SPATA9: variants seen among roughly 807,000 people sequenced by gnomAD.
The protein encoded by SPATA9 is spermatogenesis-associated protein 9.
Under a neutral mutation model 25.5 loss-of-function variants are expected in SPATA9, and 27 were observed. The ratio of observed to expected loss-of-function variants is 1.06; its 90% confidence interval spans 0.78 to 1.46. The LOEUF (loss-of-function observed/expected upper bound fraction) is 1.46. Among genes scored for constraint, SPATA9 ranks in the 40% most tolerant of loss-of-function variants. The pLI is 0.00. For synonymous variants in SPATA9, 102 were observed against 105.7 expected (o/e 0.97, Z 0.21); for missense variants, 282 against 297.5 (o/e 0.95, Z 0.38).
chr5:95,700,952 G>A (rs1310568909), upstream of SPATA9, among the ~76,000 whole-genome samples: 1 of 152,094 alleles, frequency 6.6e-6, no homozygotes, highest in Non-Finnish European at 1.5e-5. Context: ...ATGAGGTGAA[G>A]AATCCACACC....
chr5:95,663,404 T>C (rs1352849976), intron 4 of SPATA9, among the ~76,000 whole-genome samples: 1 of 152,196 alleles, frequency 6.6e-6, no homozygotes, highest in Non-Finnish European at 1.5e-5. Flanking sequence ...ATTATGGTAA[T>C]GTTTTGTTTC....
At chr5:95,704,171 A>G in the SPATA9 span, among the ~76,000 whole-genome samples, 4 of 152,224 alleles carry the variant, frequency 2.6e-5, no homozygotes, top group African/African-American at 9.7e-5. Flanking sequence ...ATTATTCTCT[A>G]CATTTCTCTA....
the SPATA9 span, among the ~76,000 whole-genome samples, chr5:95,721,113 A>T: frequency 6.6e-6 from 1 of 152,176 alleles, no homozygotes; most frequent in African/African-American, 2.4e-5. Flanking sequence ...AAGGCAAAAA[A>T]CCTTGGCAAG....
the SPATA9 span, among the ~76,000 whole-genome samples, chr5:95,704,130 T>G: frequency 6.6e-6 from 1 of 152,160 alleles, no homozygotes; most frequent in African/African-American, 2.4e-5. Flanking sequence ...CTGGCAGAGA[T>G]CTGATGGTTT....
upstream of SPATA9, among the ~76,000 whole-genome samples, chr5:95,686,036 G>C (rs1422698683): frequency 6.6e-6 from 1 of 152,088 alleles, no homozygotes; most frequent in East Asian, 1.9e-4. Context: ...AGGTAACCAT[G>C]TTGGCCAGGC....
intron 1 of SPATA9, among the ~76,000 whole-genome samples, chr5:95,692,122 T>A (rs1228236113): frequency 6.6e-6 from 1 of 151,980 alleles, no homozygotes; most frequent in East Asian, 1.9e-4. Context: ...GAGATTGGTC[T>A]ATGGCTTTTT....
chr5:95,715,460 T>A, the SPATA9 span, among the ~76,000 whole-genome samples: 3 of 152,024 alleles, frequency 2.0e-5, no homozygotes, highest in Non-Finnish European at 4.4e-5. Flanking sequence ...ACTTAACACA[T>A]GAAGTAGATG....
At chr5:95,722,872 C>T in the SPATA9 span, among the ~76,000 whole-genome samples, 5 of 152,120 alleles carry the variant, frequency 3.3e-5, no homozygotes, top group Admixed American at 1.3e-4. Flanking sequence ...TTCAACCCTT[C>T]GAAAAATACT....
chr5:95,722,787 A>C, the SPATA9 span, among the ~76,000 whole-genome samples: 120 of 152,316 alleles, frequency 7.9e-4, 1 homozygote, highest in Admixed American at 7.5e-3. Flanking sequence ...CCAGCCTAAA[A>C]GAGTCTTATC....
rs200123925 is a variant in SPATA9, at chr5:95,658,824, A to G, written c.564T>C (p.Asn188=). ...CAGGCTCAGAAAAGGCTTTTCTACAATTTTCACTCTCCTCTCTGTTTTGCC... is the reference window on the plus strand; with the variant it reads ...CAGGCTCAGAAAAGGCTTTTCTACAGTTTTCACTCTCCTCTCTGTTTTGCC... ...SIRQNREESE[N]CRKAFSEPVL... is the part of the protein sequence containing the mutation. Residue 188 remains asparagine, a synonymous_variant, in exon 5 of 5, where the codon AAT becomes AAC. Coordinates refer to ENST00000274432, the MANE Select transcript of SPATA9 (RefSeq NM_031952.4). 5.6e-5 allele frequency: 91 copies of G among 1,613,776 alleles called. No individual in the cohort carries two copies. The highest frequency in any genetic ancestry group is 5.7e-5 in the Non-Finnish European group (67 of 1,179,912).
chr5:95,711,251 C>T, the SPATA9 span, among the ~76,000 whole-genome samples: 2 of 152,104 alleles, frequency 1.3e-5, no homozygotes, highest in Non-Finnish European at 2.9e-5. Context: ...CTTCCTCCTC[C>T]GGTCTATTGG....
the SPATA9 span, chr5:95,731,782 C>A: frequency 6.2e-7 from 1 of 1,603,718 alleles, no homozygotes; most frequent in Non-Finnish European, 8.5e-7. Flanking sequence ...GCGCTGTCCC[C>A]CGCACTTCCT....
chr5:95,730,530 T>A, the SPATA9 span, among the ~76,000 whole-genome samples: 1 of 152,230 alleles, frequency 6.6e-6, no homozygotes, highest in Non-Finnish European at 1.5e-5. Context: ...TCTTTGCATT[T>A]ACGTGATTAT....
the SPATA9 span, among the ~76,000 whole-genome samples, chr5:95,715,746 TTAAAC>T: frequency 1.3e-5 from 2 of 152,176 alleles, no homozygotes; most frequent in African/African-American, 4.8e-5. Flanking sequence ...TTTGATTTCA[TTAAAC>T]TAAAGAACTT....
At chr5:95,730,995 TC>T in the SPATA9 span, 2 of 617,938 alleles carry the variant, frequency 3.2e-6, no homozygotes, top group Admixed American at 2.5e-5. Flanking sequence ...CTTTTTCCAG[TC>T]CGGAGTGAGC....
chr5:95,667,605 A>G (rs545378256), intron 3 of SPATA9, among the ~76,000 whole-genome samples: 2 of 152,276 alleles, frequency 1.3e-5, no homozygotes, highest in South Asian at 4.1e-4. Context: ...CAGACTCTCT[A>G]GGAGGAAGAA....
the SPATA9 span, among the ~76,000 whole-genome samples, chr5:95,723,628 T>A: frequency 6.6e-6 from 1 of 152,232 alleles, no homozygotes; most frequent in African/African-American, 2.4e-5. Context: ...TCCCATTAGA[T>A]TAGTTAAAAC....
chr5:95,692,110 G>C (rs915124683), intron 1 of SPATA9, among the ~76,000 whole-genome samples: 2 of 152,012 alleles, frequency 1.3e-5, no homozygotes, highest in Non-Finnish European at 2.9e-5. Context: ...ATATTCATAA[G>C]TGAGATTGGT....
chr5:95,699,942 G>A (rs760433077), upstream of SPATA9, among the ~76,000 whole-genome samples: 2 of 152,118 alleles, frequency 1.3e-5, no homozygotes, highest in African/African-American at 2.4e-5. Flanking sequence ...ATCTAGTAAC[G>A]AGTTGGAGTT....
Sources: gnomAD v4.1 joint callset for allele counts (sites outside exome capture counted in the v4.1 genomes callset) on GRCh38, gnomAD v4.1.1 for gene constraint, MANE v1.5 for transcripts, NCBI Gene and HGNC (gene_info 2026-07-23, HGNC 2026-07-21) for gene names.